The following NECAB2 variants were observed in gnomAD, a reference collection of about 807,000 sequenced individuals.
The protein encoded by NECAB2 is N-terminal EF-hand calcium binding protein 2, also known as N-terminal EF-hand calcium-binding protein 2.
In NECAB2, 68 loss-of-function variants were observed where a neutral mutation model predicts 51.9. That is an observed-to-expected ratio of 1.31 (90% confidence interval 1.08 to 1.60). The LOEUF is 1.60. Among genes scored for constraint, NECAB2 ranks in the 40% most tolerant of loss-of-function variants. The pLI, the probability that NECAB2 is intolerant of heterozygous loss-of-function variation, is 0.00. For synonymous variants in NECAB2, 329 were observed against 203.5 expected (o/e 1.62, Z -5.25); for missense variants, 854 against 490.3 (o/e 1.74, Z -7.00).
chr16:83,973,857 C>T (rs553420295), intron 2 of NECAB2, among the ~76,000 whole-genome samples: 4 of 152,040 alleles, frequency 2.6e-5, no homozygotes, highest in Non-Finnish European at 5.9e-5. Context: ...GCGTGGGCCT[C>T]TAGCCATGGC....
chr16:83,998,011 G>A (rs752776067), intron 9 of NECAB2, among the ~76,000 whole-genome samples, 194 bp from the exon 10 acceptor site: 26 of 152,068 alleles, frequency 1.7e-4, no homozygotes, highest in Non-Finnish European at 3.7e-4. Flanking sequence ...GGCTACTTCT[G>A]CACTGGGCTC....
intron 5 of NECAB2, among the ~76,000 whole-genome samples, chr16:83,981,621 C>G (rs966739133): frequency 1.3e-5 from 2 of 152,114 alleles, no homozygotes; most frequent in African/African-American, 4.8e-5. Flanking sequence ...AACAGAGGCT[C>G]ACAAAGGTGA....
At chr16:83,978,583 G>GGT in intron 3 of NECAB2, 31 bp downstream of exon 3, 1 of 1,551,154 alleles carries the variant, frequency 6.4e-7, no homozygotes, top group Non-Finnish European at 8.9e-7. Flanking sequence ...GCAGAGTGGG[G>GGT]GTGTGTGTGG....
At chr16:84,000,880 TGGAG>T (rs2084817652) in intron 11 of NECAB2, 79 bp downstream of exon 11, 2 of 1,433,940 alleles carry the variant, frequency 1.4e-6, no homozygotes, top group African/African-American at 1.4e-5. Flanking sequence ...CAGGCATCCT[TGGAG>T]GGGAGGGTAA....
intron 2 of NECAB2, among the ~76,000 whole-genome samples, chr16:83,972,743 A>T (rs141384984): frequency 4.6e-5 from 7 of 152,128 alleles, no homozygotes; most frequent in Non-Finnish European, 7.4e-5. Flanking sequence ...CAGCCTCTTT[A>T]AAAATGTGAG....
At chr16:83,983,269 G>T (rs1177938095) in intron 5 of NECAB2, among the ~76,000 whole-genome samples, 1 of 152,162 alleles carries the variant, frequency 6.6e-6, no homozygotes, top group Non-Finnish European at 1.5e-5. Flanking sequence ...CTTTCGTCAA[G>T]CCGCAGCATC....
At chr16:83,965,946 A>AG (rs748201641), upstream of NECAB2, 9 of 1,611,296 alleles carry the variant, frequency 5.6e-6, no homozygotes, top group South Asian at 7.7e-5. Flanking sequence ...AGGTTTGTGC[A>AG]GGGGGGCGCC....
At chr16:83,972,231 T>TG in intron 2 of NECAB2, 56 bp downstream of exon 2, 1 of 1,610,068 alleles carries the variant, frequency 6.2e-7, no homozygotes, top group Non-Finnish European at 8.5e-7. Flanking sequence ...TCGTGCTTCA[T>TG]GGGGAAGGGA....
intron 2 of NECAB2, among the ~76,000 whole-genome samples, chr16:83,976,429 G>T (rs749944022): frequency 6.6e-6 from 1 of 152,192 alleles, no homozygotes; most frequent in African/African-American, 2.4e-5. Context: ...GAGTGAGTCC[G>T]TGGAAGGTAC....
chr16:83,973,540 C>T (rs1013390652), intron 2 of NECAB2, among the ~76,000 whole-genome samples: 1 of 152,140 alleles, frequency 6.6e-6, no homozygotes, highest in Non-Finnish European at 1.5e-5. Flanking sequence ...GATGAAGTGG[C>T]TCTGGAAAAA....
rs1597201928 is a variant in NECAB2, at chr16:83,978,370, G to C, written c.227-74G>C. 7.5e-6 allele frequency: 9 copies of C among 1,193,772 alleles called. No individual in the cohort carries two copies. In the East Asian group the frequency reaches 2.1e-4, roughly 28 times the overall value. 73.9% of individuals were successfully genotyped at this position (1,193,772 alleles called of 1,614,324 possible). On this transcript the variant is annotated intron_variant, in intron 2 of 12. Coordinates refer to ENST00000305202, the MANE Select transcript of NECAB2 (RefSeq NM_019065.3). ...AGTCAGGCCATTGACTGGATTTGGG[G>C]GCCGTGCATGCACTAGCCCCACCAG...
chr16:83,975,946 A>G (rs1032867990), intron 2 of NECAB2, among the ~76,000 whole-genome samples: 1 of 152,152 alleles, frequency 6.6e-6, no homozygotes, highest in African/African-American at 2.4e-5. Flanking sequence ...GGCCGTGATC[A>G]GGCGTTCAGG....
At chr16:83,980,969 A>G in intron 4 of NECAB2, 61 bp from the exon 5 acceptor site, 1 of 1,604,276 alleles carries the variant, frequency 6.2e-7, no homozygotes, top group Non-Finnish European at 8.5e-7. Flanking sequence ...TGGGAGGTGC[A>G]GGAGTGCTGA....
At chr16:83,994,741 C>T (rs1037585763) in intron 8 of NECAB2, 53 bp downstream of exon 8, 13 of 1,581,748 alleles carry the variant, frequency 8.2e-6, no homozygotes, top group South Asian at 6.7e-5. Flanking sequence ...TGAGGGAGTG[C>T]AGAGTTAAGC....
chr16:83,986,606 A>T (rs1158182211), intron 5 of NECAB2, among the ~76,000 whole-genome samples: 1 of 151,970 alleles, frequency 6.6e-6, no homozygotes, highest in Admixed American at 6.6e-5. Context: ...TCAACCTCCC[A>T]GACCCAAGTG....
chr16:83,990,246 A>G (rs1476985343), intron 5 of NECAB2, among the ~76,000 whole-genome samples: 1 of 152,102 alleles, frequency 6.6e-6, no homozygotes, highest in Admixed American at 6.5e-5. Flanking sequence ...TGACCCCATT[A>G]TACTCTGGGA....
At chr16:83,990,393 A>C (rs577751969) in intron 5 of NECAB2, 101 bp from the exon 6 acceptor site, 2 of 1,481,056 alleles carry the variant, frequency 1.4e-6, no homozygotes, top group African/African-American at 2.8e-5. Context: ...TTGCAAAGCA[A>C]ATTCACCAGC....
chr16:83,977,630 G>A (rs1045122802), intron 2 of NECAB2, among the ~76,000 whole-genome samples: 2 of 152,092 alleles, frequency 1.3e-5, no homozygotes, highest in Admixed American at 1.3e-4. Flanking sequence ...CACCTCAGAA[G>A]CACAGCCTCT....
chr16:83,998,437 CAG>C (rs1325272537), intron 10 of NECAB2, 120 bp downstream of exon 10: 1 of 886,042 alleles, frequency 1.1e-6, no homozygotes. Context: ...GGGACACACA[CAG>C]CTGGATGCGT....
Sources: allele counts gnomAD v4.1 joint callset (sites outside exome capture counted in the v4.1 genomes callset), GRCh38; gene constraint gnomAD v4.1.1; transcripts MANE v1.5; gene names NCBI Gene and HGNC (gene_info 2026-07-23, HGNC 2026-07-21).